The following RAP1A variants were observed in gnomAD, a reference collection of about 807,000 sequenced individuals.
RAP1A encodes ras-related protein Rap-1A.
A neutral mutation model predicts 26.4 loss-of-function variants in RAP1A; 6 were observed. That is an observed-to-expected ratio of 0.23 (90% CI 0.12 to 0.45). The LOEUF (loss-of-function observed/expected upper bound fraction) is 0.45. Among genes scored for constraint, RAP1A ranks in the 20% least tolerant of loss-of-function variants. The probability of loss-of-function intolerance (pLI) is 0.99; values close to 1 mark genes in which losing one functional copy is unlikely to be tolerated. For synonymous variants in RAP1A, 73 were observed against 79.4 expected, an observed-to-expected ratio of 0.92 and a Z score of 0.43; for missense variants, 121 against 217.2, an observed-to-expected ratio of 0.56 and a Z score of 2.78.
chr1:111,633,320 C>A (rs973074159), intron 1 of RAP1A, among the ~76,000 whole-genome samples: 1 of 152,130 alleles, frequency 6.6e-6, no homozygotes, highest in Non-Finnish European at 1.5e-5. Flanking sequence ...TACATAACCC[C>A]TGGCATGAAG....
rs942297349 is a variant in RAP1A at position 111,585,132 on chromosome 1, T to A, written c.-28+42623T>A. Among the ~76,000 whole-genome samples, 21 of 152,364 alleles carry A rather than the reference T, an allele frequency of 1.4e-4. 1 individual carries two copies. Among genetic ancestry groups the A allele is most frequent in the African/African-American group, 5.0e-4 (21 of 41,586 alleles). On this transcript the variant is annotated intron_variant, in intron 1 of 7. Coordinates refer to the RAP1A transcript ENST00000356415. ...AATTGGACAGGGTGAATGTCACCTC[T>A]GTTGCCGATTTAATCCTCCTCTTTC...
In RAP1A at chr1:111,714,690, G is replaced by A. The variant is rs991498383; in HGVS notation, c.*2289G>A. ...CAAGGAAATCTGTGGTTGCTGAGCA[G>A]GATGAAAAGTATCCTGTTAGAAAGT... is the stretch of plus-strand genomic sequence containing the variant. On this transcript the variant is annotated 3_prime_UTR_variant, in exon 8 of 8. Transcript: ENST00000369709. The A allele has an allele frequency of 6.6e-6, 1 of 152,194 alleles. No homozygotes were observed. The highest frequency in any genetic ancestry group is 1.5e-5 in the Non-Finnish European group (1 of 68,032). The allele number at this position is 152,194 out of a possible 1,614,324, so 9.4% of individuals were successfully genotyped here.
intron 1 of RAP1A, among the ~76,000 whole-genome samples, chr1:111,687,595 C>A (rs1037818932): frequency 6.6e-6 from 1 of 152,156 alleles, no homozygotes; most frequent in African/African-American, 2.4e-5. Context: ...TCAAAACATA[C>A]TATATTACTT....
In RAP1A at chr1:111,714,523, A is replaced by G. The variant is rs1662476019; in HGVS notation, c.*2122A>G. On this transcript the variant is annotated 3_prime_UTR_variant, in exon 8 of 8. Coordinates refer to ENST00000369709, the MANE Select transcript of RAP1A (RefSeq NM_002884.4). ...TAAACTCAGTCTATTCTATTTTAGAATGTGGTGGAGAAAGATGATAGTTAT... is the reference window on the plus strand; with the variant it reads ...TAAACTCAGTCTATTCTATTTTAGAGTGTGGTGGAGAAAGATGATAGTTAT... 1 of 152,216 alleles carries G rather than the reference A, an allele frequency of 6.6e-6. No individual in the cohort carries two copies. The highest frequency in any genetic ancestry group is 2.4e-5 in the African/African-American group (1 of 41,452). The allele number at this position is 152,216 out of a possible 1,614,324, so 9.4% of individuals were successfully genotyped here. A position where few individuals can be genotyped will look rare whatever the true frequency, so the allele number is the denominator to read the frequency against.
intron 1 of RAP1A, among the ~76,000 whole-genome samples, chr1:111,627,806 A>G (rs1659446257): frequency 6.6e-6 from 1 of 151,890 alleles, no homozygotes; most frequent in South Asian, 2.1e-4. Context: ...TAGAATTTTA[A>G]TGTTCTTTTA....
chr1:111,585,002 G>A (rs959886796), intron 1 of RAP1A, among the ~76,000 whole-genome samples: 2 of 152,164 alleles, frequency 1.3e-5, no homozygotes, highest in Non-Finnish European at 2.9e-5. Context: ...AATATTAGGA[G>A]CCGCAGATGG....
rs143690977 is a variant in RAP1A, at chr1:111,542,291, AAC to A, written c.-241_-240del. ...TTTCAGGATCAGACCTGCCGGTTCG[AAC>A]ACACGCGACAAGAGCAAAGAAGTTA... On this transcript the variant is annotated 5_prime_UTR_variant, in exon 1 of 8. Transcript: ENST00000356415. The A allele has an allele frequency of 9.8e-3, 5,458 of 554,700 alleles. 221 individuals carry two copies. Among genetic ancestry groups the A allele is most frequent in the African/African-American group, 0.092 (4,848 of 52,616 alleles). The allele number at this position is 554,700 out of a possible 1,614,324, so 34.4% of individuals were successfully genotyped here.
intron 1 of RAP1A, among the ~76,000 whole-genome samples, chr1:111,577,396 C>A (rs1658167267): frequency 1.2e-5 from 1 of 83,348 alleles, no homozygotes; most frequent in Non-Finnish European, 2.1e-5. Flanking sequence ...AGCAAGACTC[C>A]ATCGCAAAAA....
intron 1 of RAP1A, among the ~76,000 whole-genome samples, chr1:111,553,113 T>G (rs777065147): frequency 1.3e-5 from 2 of 152,242 alleles, no homozygotes; most frequent in Non-Finnish European, 2.9e-5. Flanking sequence ...TAATTTCTCA[T>G]GTTTCTTCCC....
rs2101323497 is a variant in RAP1A, at chr1:111,712,953, A to G, written c.*552A>G. ...ATTAAAATTGTGCATAATGCTTTGG[A>G]AAAATGGGTCTTTTATAGGAAAAAA... On this transcript the variant is annotated 3_prime_UTR_variant, in exon 8 of 8. Transcript: ENST00000369709. The G allele has an allele frequency of 6.6e-6, 1 of 152,638 alleles. No homozygotes were observed. Among genetic ancestry groups the G allele is most frequent in the East Asian group, 1.9e-4 (1 of 5,190 alleles). 9.5% of individuals were successfully genotyped at this position (152,638 alleles called of 1,614,324 possible).
chr1:111,584,197 A>G (rs1284574378), intron 1 of RAP1A, among the ~76,000 whole-genome samples: 2 of 152,024 alleles, frequency 1.3e-5, no homozygotes, highest in Non-Finnish European at 2.9e-5. Flanking sequence ...TGATATTTCA[A>G]CTGTGAATGT....
intron 1 of RAP1A, among the ~76,000 whole-genome samples, chr1:111,631,587 CAGA>C (rs1228847860): frequency 1.3e-5 from 2 of 152,060 alleles, no homozygotes; most frequent in Non-Finnish European, 2.9e-5. Context: ...AGTAAACTTC[CAGA>C]AGAAGGGACT....
intron 1 of RAP1A, among the ~76,000 whole-genome samples, chr1:111,552,280 G>T (rs188670787): frequency 2.6e-4 from 39 of 152,280 alleles, no homozygotes; most frequent in African/African-American, 9.4e-4. Context: ...GTGCTAGAAT[G>T]CAGGCTGTTA....
In RAP1A at chr1:111,667,637, G is replaced by C. The variant is rs12095956; in HGVS notation, c.-27-23697G>C. On this transcript the variant is annotated intron_variant, in intron 1 of 7. Transcript: ENST00000369709. ...GCGGAGGTTGCAGTGAGCCAAGATC[G>C]CGCCATCACACTCCAGCCTGGGCGA... Among the ~76,000 whole-genome samples, 9 of 150,684 alleles carry C rather than the reference G, an allele frequency of 6.0e-5. No homozygotes were observed. The East Asian group carries it at 1.7e-3, about 29-fold the overall frequency.
At chr1:111,635,343 A>G (rs114183184) in intron 1 of RAP1A, among the ~76,000 whole-genome samples, 135 of 152,302 alleles carry the variant, frequency 8.9e-4, no homozygotes, top group African/African-American at 2.8e-3. Flanking sequence ...TGCTTTGAAT[A>G]TTTGGTCATT....
chr1:111,685,374 C>T (rs112691415), intron 1 of RAP1A, among the ~76,000 whole-genome samples: 19,585 of 151,702 alleles, frequency 0.13, 1,598 homozygotes, highest in South Asian at 0.18. Flanking sequence ...GCAATCTATC[C>T]ATCTGACAAA....
chr1:111,563,450 A>G (rs780152419), intron 1 of RAP1A, among the ~76,000 whole-genome samples: 2 of 152,158 alleles, frequency 1.3e-5, no homozygotes, highest in Non-Finnish European at 2.9e-5. Context: ...CCAGATTGAG[A>G]TTTGTTTTTC....
chr1:111,692,853 A>G lies in RAP1A; in HGVS notation c.57+1436A>G, dbSNP rs529194907. 2.0e-4 allele frequency among the ~76,000 whole-genome samples: 30 copies of G among 152,350 alleles called. No homozygotes were observed. In the South Asian group the frequency reaches 5.6e-3, roughly 28 times the overall value. On this transcript the variant is annotated intron_variant, in intron 2 of 7. Coordinates refer to ENST00000369709, the MANE Select transcript of RAP1A (RefSeq NM_002884.4). Reference sequence around the variant, plus strand: ...CAAGGTTAAATAAGCTATGAATAACATCAGTTACTTTCTTGGGAGTAGGAT... The same window carrying G: ...CAAGGTTAAATAAGCTATGAATAACGTCAGTTACTTTCTTGGGAGTAGGAT...
At chr1:111,675,624 A>G (rs1180638295) in intron 1 of RAP1A, among the ~76,000 whole-genome samples, 1 of 152,226 alleles carries the variant, frequency 6.6e-6, no homozygotes, top group Admixed American at 6.5e-5. Context: ...TGGAAAACAC[A>G]TACTTTTCAT....
Sources: allele counts gnomAD v4.1 joint callset (sites outside exome capture counted in the v4.1 genomes callset), GRCh38; gene constraint gnomAD v4.1.1; transcripts MANE v1.5; gene names NCBI Gene and HGNC (gene_info 2026-07-23, HGNC 2026-07-21).